Variants in CACNA1S observed in about 807,000 individuals in gnomAD.
The protein encoded by CACNA1S is calcium voltage-gated channel subunit alpha1 S.
In CACNA1S, 126 loss-of-function variants were observed where a neutral mutation model predicts 207.4. The observed-to-expected ratio is 0.61, with a 90% CI of 0.53 to 0.70. The LOEUF is 0.70. Ranked by LOEUF, CACNA1S falls within the 30% of genes least tolerant of loss-of-function variation. The pLI is 0.00. For synonymous variants in CACNA1S, 960 were observed against 932.7 expected (o/e 1.03, Z -0.53); for missense variants, 2,349 against 2,422.8 (o/e 0.97, Z 0.64).
Position 201,075,588 on chromosome 1 carries a change from T to C in CACNA1S, c.1855A>G (p.Met619Val), listed in dbSNP as rs776996468. Reference protein sequence around the residue: ...QVLTGEDWTSMMYNGIMAYGG... With the variant: ...QVLTGEDWTSVMYNGIMAYGG... Reference sequence around the variant, plus strand: ...TAGGCCATGATCCCATTGTACATCATTGAGGTCCAGTCTTCCCCTGTCAGT... The same window carrying C: ...TAGGCCATGATCCCATTGTACATCACTGAGGTCCAGTCTTCCCCTGTCAGT... Residue 619 changes from methionine to valine, a missense_variant, in exon 13 of 44, where the codon ATG (methionine) becomes GTG (valine). By Grantham distance (21) the Met-to-Val change is conservative. Coordinates refer to ENST00000362061, the MANE Select transcript of CACNA1S (RefSeq NM_000069.3). The C allele has an allele frequency of 1.1e-5, 18 of 1,614,140 alleles. 1 individual carries two copies. The South Asian group carries it at 1.3e-4, about 12-fold the overall frequency.
chr1:201,042,958 A>G (rs1259505687), intron 40 of CACNA1S: 5 of 345,612 alleles, frequency 1.4e-5, no homozygotes, highest in Non-Finnish European at 2.2e-5. Flanking sequence ...CTTTTGTGGT[A>G]TGTGCTACCA....
intron 41 of CACNA1S, among the ~76,000 whole-genome samples, chr1:201,040,938 T>C (rs1421795947): frequency 6.6e-6 from 1 of 152,060 alleles, no homozygotes; most frequent in African/African-American, 2.4e-5. Flanking sequence ...TCTTGAAGGT[T>C]TGGGAGAGGG....
rs765997268 is a variant in CACNA1S at position 201,066,957 on chromosome 1, A to G, written c.2587T>C (p.Phe863Leu). The G allele has an allele frequency of 4.3e-6, 7 of 1,614,186 alleles. No individual in the cohort carries two copies. Among genetic ancestry groups the G allele is most frequent in the Non-Finnish European group, 5.9e-6 (7 of 1,180,006 alleles). Reference sequence around the variant, plus strand: ...AGCATGTTGAAGTAATTGCGGCAGAAGGAACCCTTGTGCAGGAAGGCTCCG... The same window carrying G: ...AGCATGTTGAAGTAATTGCGGCAGAGGGAACCCTTGTGCAGGAAGGCTCCG... ...TYGAFLHKGS[F>L]CRNYFNMLDL... Residue 863 changes from phenylalanine to leucine, a missense_variant, in exon 20 of 44, where the codon TTC becomes CTC. Physicochemically the swap from Phe to Leu is conservative, Grantham distance 22 (BLOSUM62 0). Coordinates refer to ENST00000362061, the MANE Select transcript of CACNA1S (RefSeq NM_000069.3). This position sits in a 1 kb window ranked among gnomAD's most constrained non-coding sequence, Gnocchi z 4.3.
Position 201,078,051 on chromosome 1 carries a change from T to C in CACNA1S, c.1447A>G (p.Met483Val). 4 of 1,614,202 alleles carry C rather than the reference T, an allele frequency of 2.5e-6. No individual in the cohort carries two copies. The highest frequency in any genetic ancestry group is 1.3e-5 in the African/African-American group (1 of 75,038). The change falls in exon 11 of 44, where the codon ATG (methionine) becomes GTG (valine). Residue 483 changes from methionine (M) to valine (V), a missense_variant. Coordinates refer to ENST00000362061, the MANE Select transcript of CACNA1S (RefSeq NM_000069.3). ...SLFTTEMLMK[M>V]YGLGLRQYFM... ...TACTGGCGCAGGCCCAGCCCGTACA[T>C]CTTCATCAGCATCTCAGTGGTGAAG...
At chr1:201,043,066 A>T (rs565446454) in intron 40 of CACNA1S, 12 of 575,862 alleles carry the variant, frequency 2.1e-5, no homozygotes, top group African/African-American at 1.9e-4. Context: ...CACTGGGGCC[A>T]ATACTGACAT....
Position 201,091,632 on chromosome 1 carries a change from G to T in CACNA1S, c.694+8C>A. 1.2e-6 allele frequency: 2 copies of T among 1,614,172 alleles called. No homozygotes were observed. The highest frequency in any genetic ancestry group is 1.7e-4 in the Middle Eastern group (1 of 6,060). On this transcript the variant is annotated splice_region_variant and intron_variant, in intron 5 of 43. Coordinates refer to ENST00000362061, the MANE Select transcript of CACNA1S (RefSeq NM_000069.3). ...TGCCCCACAGCCCCACTTTCCCTGGGAGCTCACCTGTACCAATGAAGTAGC... is the reference window on the plus strand; with the variant it reads ...TGCCCCACAGCCCCACTTTCCCTGGTAGCTCACCTGTACCAATGAAGTAGC...
chr1:201,083,458 G>T, intron 9 of CACNA1S, 136 bp from the exon 10 acceptor site: 1 of 860,064 alleles, frequency 1.2e-6, no homozygotes. Flanking sequence ...AGAAGCTCAG[G>T]GCATGAGCTA....
intron 2 of CACNA1S, among the ~76,000 whole-genome samples, chr1:201,104,879 C>T (rs1662817673): frequency 6.6e-6 from 1 of 152,232 alleles, no homozygotes; most frequent in Non-Finnish European, 1.5e-5. Flanking sequence ...ACAGAGCCAC[C>T]TGGGCATGTG....
intron 28 of CACNA1S, among the ~76,000 whole-genome samples, chr1:201,054,826 C>T (rs1660780650): frequency 6.6e-6 from 1 of 152,116 alleles, no homozygotes; most frequent in Admixed American, 6.5e-5. Context: ...CAGACAGATC[C>T]CTTCTCATTT....
intron 2 of CACNA1S, among the ~76,000 whole-genome samples, chr1:201,096,677 T>G (rs1662445564): frequency 6.6e-6 from 1 of 152,192 alleles, no homozygotes; most frequent in African/African-American, 2.4e-5. Context: ...GTTTCCTCAT[T>G]TGTAAATCTG....
rs532099812 is a variant in CACNA1S at position 201,100,301 on chromosome 1, C to T, written c.259-6280G>A. Among the ~76,000 whole-genome samples, 141 of 152,350 alleles carry T rather than the reference C, an allele frequency of 9.3e-4. 1 individual carries two copies. The highest frequency in any genetic ancestry group is 3.4e-3 in the Middle Eastern group (1 of 294). ...GAGGTGTCTGCTAAAGGCAAGGAGG[C>T]GTTGCCTGCTGTGACTGAAGCAACA... On this transcript the variant is annotated intron_variant, in intron 2 of 43. Transcript: ENST00000362061.
chr1:201,041,713 C>G (rs989839209), intron 40 of CACNA1S, 124 bp from the exon 41 acceptor site: 2 of 752,124 alleles, frequency 2.7e-6, no homozygotes, highest in Non-Finnish European at 2.3e-6. Flanking sequence ...GTGTAGCAGC[C>G]GTGACTCTAG....
chr1:201,086,294 T>C (rs1662037832), intron 7 of CACNA1S, among the ~76,000 whole-genome samples: 1 of 152,222 alleles, frequency 6.6e-6, no homozygotes, highest in African/African-American at 2.4e-5. Flanking sequence ...GTTAAGCCTA[T>C]GGATCTCTCT....
intron 17 of CACNA1S, among the ~76,000 whole-genome samples, chr1:201,069,974 T>C (rs1207343621): frequency 6.6e-6 from 1 of 152,206 alleles, no homozygotes; most frequent in Non-Finnish European, 1.5e-5. Flanking sequence ...TGTAAAATTA[T>C]GAAGCCGATA....
rs759132748 is a variant in CACNA1S at position 201,069,146 on chromosome 1, A to T, written c.2541T>A (p.Ile847=). The T allele has an allele frequency of 6.2e-7, 1 of 1,614,096 alleles. No homozygotes were observed. Among genetic ancestry groups the T allele is most frequent in the South Asian group, 1.1e-5 (1 of 91,070 alleles). ...CACAGCCTTCACTCACCTTGAGGAC[A>T]ATCTCCACAGTGAAGACAGAGGTGA... ...IGFTSVFTVE[I]VLKMTTYGAF... Residue 847 remains isoleucine, a synonymous_variant, in exon 19 of 44, where the codon ATT becomes ATA. Transcript: ENST00000362061.
chr1:201,047,504 G>C (rs777454654), intron 37 of CACNA1S, 21 bp downstream of exon 37: 7 of 1,591,390 alleles, frequency 4.4e-6, no homozygotes, highest in Non-Finnish European at 6.0e-6. Context: ...CTGGACTCTG[G>C]TCCCCCAAAG....
Position 201,053,151 on chromosome 1 carries a change from A to G in CACNA1S, c.3861+58T>C, listed in dbSNP as rs1254366686. On this transcript the variant is annotated intron_variant, in intron 31 of 43. Transcript: ENST00000362061. The surrounding 1 kb of genome is among the most constrained non-coding windows in gnomAD (Gnocchi z 5.1). Reference sequence around the variant, plus strand: ...TGCTCAGGCTCCTCAGGGTCCACTGATGCCCCCTCTAACTTGGCCAAGATC... The same window carrying G: ...TGCTCAGGCTCCTCAGGGTCCACTGGTGCCCCCTCTAACTTGGCCAAGATC... 1.3e-6 allele frequency: 2 copies of G among 1,583,060 alleles called. No homozygotes were observed. Among genetic ancestry groups the G allele is most frequent in the African/African-American group, 2.7e-5 (2 of 74,272 alleles).
Position 201,077,069 on chromosome 1 carries a change from C to G in CACNA1S, c.1678G>C (p.Ala560Pro). The G allele has an allele frequency of 5.0e-6, 8 of 1,614,164 alleles. No individual in the cohort carries two copies. Among genetic ancestry groups the G allele is most frequent in the Non-Finnish European group, 5.1e-6 (6 of 1,180,026 alleles). ...ASLLNSIRSI[A>P]SLLLLLFLFI... ...AGGAAGAGCAGCAGCAGCAGGGAGG[C>G]GATGGAGCGGATGGAGTTGAGCAGG... The change falls in exon 12 of 44, where the codon GCC (alanine) becomes CCC (proline). Residue 560 changes from alanine (A) to proline (P), a missense_variant. Coordinates refer to ENST00000362061, the MANE Select transcript of CACNA1S (RefSeq NM_000069.3).
intron 34 of CACNA1S, among the ~76,000 whole-genome samples, chr1:201,049,802 A>G (rs1043795677): frequency 6.6e-6 from 1 of 152,188 alleles, no homozygotes. Flanking sequence ...TATAGGCACC[A>G]AACAGACCTG....
Sources: gnomAD v4.1 joint callset for allele counts (sites outside exome capture counted in the v4.1 genomes callset) on GRCh38, gnomAD v4.1.1 for gene constraint, Gnocchi (gnomAD v3.1) non-coding constraint, MANE v1.5 for transcripts, NCBI Gene and HGNC (gene_info 2026-07-23, HGNC 2026-07-21) for gene names.